The following UGT1A3 variants were observed in gnomAD, a reference collection of about 807,000 sequenced individuals.
UGT1A3 encodes UDP-glucuronosyltransferase 1A3.
A neutral mutation model predicts 41.0 loss-of-function variants in UGT1A3; 31 were observed. The ratio of observed to expected loss-of-function variants is 0.76; its 90% CI spans 0.57 to 1.02. UGT1A3 has a LOEUF of 1.02. Among genes scored for constraint, UGT1A3 ranks in the 50% least tolerant of loss-of-function variants. The pLI is 0.00. For synonymous variants in UGT1A3, 262 were observed against 257.6 expected, an observed-to-expected ratio of 1.02 and a Z score of -0.17; for missense variants, 737 against 671.0, an observed-to-expected ratio of 1.10 and a Z score of -1.09.
intron 1 of UGT1A3, among the ~76,000 whole-genome samples, chr2:233,752,736 C>A (rs1332947715): frequency 1.3e-5 from 2 of 152,164 alleles, no homozygotes; most frequent in African/African-American, 4.8e-5. Flanking sequence ...CAGAGAGAGA[C>A]CCTGTCTCTA....
intron 1 of UGT1A3, among the ~76,000 whole-genome samples, chr2:233,732,434 T>A (rs2078271939): frequency 6.6e-6 from 1 of 152,264 alleles, no homozygotes; most frequent in African/African-American, 2.4e-5. Context: ...AGGATTTTTA[T>A]GGTTTTAGGT....
intron 1 of UGT1A3, chr2:233,743,987 G>T: frequency 7.8e-7 from 1 of 1,278,832 alleles, no homozygotes; most frequent in South Asian, 1.3e-5. Flanking sequence ...CCAGGCGCAG[G>T]CCCGAGTGCT....
intron 1 of UGT1A3, among the ~76,000 whole-genome samples, chr2:233,745,995 A>T (rs1224487934): frequency 1.3e-5 from 2 of 151,678 alleles, no homozygotes; most frequent in Non-Finnish European, 2.9e-5. Context: ...GCTGGGTCTG[A>T]GAGACAGTGG....
chr2:233,751,108 A>G, intron 1 of UGT1A3, among the ~76,000 whole-genome samples: 1 of 151,960 alleles, frequency 6.6e-6, no homozygotes. Context: ...TTGCCCTGCA[A>G]GCCACAGTGT....
Position 233,768,588 on chromosome 2 carries a change from T to TTC in UGT1A3, c.1307+150_1307+151insCT. 11 of 996,616 alleles carry TTC rather than the reference T, an allele frequency of 1.1e-5. No individual in the cohort carries two copies. In the East Asian group the frequency reaches 2.1e-4, roughly 19 times the overall value. The allele number at this position is 996,616 out of a possible 1,614,324, so 61.7% of individuals were successfully genotyped here. A position where few individuals can be genotyped will look rare whatever the true frequency, so the allele number is the denominator to read the frequency against. On this transcript the variant is annotated intron_variant, in intron 4 of 4. Transcript: ENST00000482026. ...ATCTGGATTTTTATTTCTTCTTTTT[T>TTC]TTTTTTTTTTTTTTTTGAGATGGAG...
chr2:233,760,379 TG>T (rs1308601724), intron 1 of UGT1A3: 1 of 1,614,196 alleles, frequency 6.2e-7, no homozygotes, highest in East Asian at 2.2e-5. Flanking sequence ...GGGAAGATAC[TG>T]TTGATCCCAG....
At chr2:233,743,542 C>A in intron 1 of UGT1A3, 1 of 1,364,376 alleles carries the variant, frequency 7.3e-7, no homozygotes, top group Non-Finnish European at 9.8e-7. Flanking sequence ...GTTCCTCTGA[C>A]CCCCCCAAAA....
rs537799034 is a variant in UGT1A3 at position 233,731,712 on chromosome 2, C to T, written c.867+1719C>T. Among the ~76,000 whole-genome samples, 65 of 152,262 alleles carry T rather than the reference C, an allele frequency of 4.3e-4. No individual in the cohort carries two copies. The South Asian group carries it at 0.013, about 30-fold the overall frequency. ...ATGGACATTTGGATTGGTTCCAGGT[C>T]TTTGCTATTGTGAATAGTGCCACAA... On this transcript the variant is annotated intron_variant, in intron 1 of 4. Coordinates refer to ENST00000482026, the MANE Select transcript of UGT1A3 (RefSeq NM_019093.4).
intron 1 of UGT1A3, among the ~76,000 whole-genome samples, chr2:233,739,458 G>A (rs183243418): frequency 1.3e-5 from 2 of 152,366 alleles, no homozygotes; most frequent in Non-Finnish European, 2.9e-5. Context: ...CAGGGTTGGA[G>A]CTGCCTGAGA....
At chr2:233,766,659 G>C (rs1373000724) in intron 1 of UGT1A3, among the ~76,000 whole-genome samples, 1 of 152,094 alleles carries the variant, frequency 6.6e-6, no homozygotes, top group Non-Finnish European at 1.5e-5. Context: ...AAGGGACCAC[G>C]CCCTTCCCAG....
At chr2:233,762,775 C>T (rs1417742267) in intron 1 of UGT1A3, among the ~76,000 whole-genome samples, 1 of 151,182 alleles carries the variant, frequency 6.6e-6, no homozygotes, top group African/African-American at 2.4e-5. Context: ...CTATCTCTAG[C>T]TGATTATCTA....
At chr2:233,730,124 T>C in intron 1 of UGT1A3, 131 bp downstream of exon 1, 4 of 1,544,442 alleles carry the variant, frequency 2.6e-6, no homozygotes, top group East Asian at 2.4e-5. Flanking sequence ...CTTGTCATAA[T>C]AGCCTTCAGT....
chr2:233,729,168 A>G lies in UGT1A3; in HGVS notation c.42A>G (p.Thr14=), dbSNP rs746194501. ...GLQVPLPWLA[T]GLLLLLSVQP... ...AGGTTCCCCTGCCGTGGCTGGCCACAGGACTGCTGCTTCTCCTCAGTGTCC... is the reference window on the plus strand; with the variant it reads ...AGGTTCCCCTGCCGTGGCTGGCCACGGGACTGCTGCTTCTCCTCAGTGTCC... Residue 14 remains threonine, a synonymous_variant, in exon 1 of 5, where the codon ACA becomes ACG. Coordinates refer to ENST00000482026, the MANE Select transcript of UGT1A3 (RefSeq NM_019093.4). The G allele has an allele frequency of 1.2e-6, 2 of 1,613,726 alleles. No individual in the cohort carries two copies. Among genetic ancestry groups the G allele is most frequent in the Admixed American group, 1.7e-5 (1 of 60,022 alleles).
At chr2:233,770,071 ATTC>A (rs1346170672) in intron 4 of UGT1A3, 1 of 153,458 alleles carries the variant, frequency 6.5e-6, no homozygotes, top group Non-Finnish European at 1.5e-5. Context: ...TATAATTTTG[ATTC>A]TTTCTTCAGT....
chr2:233,772,846 T>C lies in UGT1A3; in HGVS notation c.*287T>C, dbSNP rs1314535454. ...AGGCTGGCATTCTAGATTACTTTTCTTACTCTGAAACATGGCCTGTTTGGG... is the reference window on the plus strand; with the variant it reads ...AGGCTGGCATTCTAGATTACTTTTCCTACTCTGAAACATGGCCTGTTTGGG... On this transcript the variant is annotated 3_prime_UTR_variant, in exon 5 of 5. Transcript: ENST00000482026. 2 of 808,282 alleles carry C rather than the reference T, an allele frequency of 2.5e-6. No individual in the cohort carries two copies. Among genetic ancestry groups the C allele is most frequent in the Non-Finnish European group, 3.5e-6 (2 of 570,582 alleles). 50.1% of individuals were successfully genotyped at this position (808,282 alleles called of 1,614,324 possible). A position where few individuals can be genotyped will look rare whatever the true frequency, so the allele number is the denominator to read the frequency against.
At chr2:233,751,840 C>G (rs55891750) in intron 1 of UGT1A3, among the ~76,000 whole-genome samples, 1 of 152,044 alleles carries the variant, frequency 6.6e-6, no homozygotes, top group Non-Finnish European at 1.5e-5. Flanking sequence ...GGAACTGAGT[C>G]ATTTAAACCT....
intron 1 of UGT1A3, among the ~76,000 whole-genome samples, chr2:233,749,893 C>A (rs141027223): frequency 6.6e-5 from 10 of 151,938 alleles, no homozygotes; most frequent in Non-Finnish European, 1.2e-4. Context: ...GAGGCTCCCC[C>A]CTCCAGCCAC....
chr2:233,766,431 T>C (rs2126025401), intron 1 of UGT1A3, among the ~76,000 whole-genome samples: 1 of 152,314 alleles, frequency 6.6e-6, no homozygotes, highest in Middle Eastern at 3.4e-3. Context: ...GATGTCCAGC[T>C]ACCTGTGTGT....
chr2:233,733,823 A>G (rs1027211154), intron 1 of UGT1A3, among the ~76,000 whole-genome samples: 1 of 152,166 alleles, frequency 6.6e-6, no homozygotes. Context: ...GCCTCATAAA[A>G]TGAGTTAGGG....
Sources: allele counts gnomAD v4.1 joint callset (sites outside exome capture counted in the v4.1 genomes callset), GRCh38; gene constraint gnomAD v4.1.1; transcripts MANE v1.5; gene names NCBI Gene and HGNC (gene_info 2026-07-23, HGNC 2026-07-21).